The following NHSL1 variants were observed in gnomAD, a reference collection of about 807,000 sequenced individuals.
NHSL1 encodes NHS-like protein 1.
NHSL1 carries 48 observed loss-of-function variants against 95.0 expected under a neutral mutation model. The ratio of observed to expected loss-of-function variants is 0.51; its 90% CI spans 0.40 to 0.64. The LOEUF (loss-of-function observed/expected upper bound fraction) is 0.64, where lower values mean the gene tolerates loss of function less well. Ranked by LOEUF, NHSL1 falls within the 30% of genes least tolerant of loss-of-function variation. The pLI, the probability that NHSL1 is intolerant of heterozygous loss-of-function variation, is 0.00. For synonymous variants in NHSL1, 783 were observed against 833.9 expected, an observed-to-expected ratio of 0.94 and a Z score of 1.05; for missense variants, 1,971 against 2,077.7, an observed-to-expected ratio of 0.95 and a Z score of 1.00.
At chr6:138,559,027 C>T (rs540055424) in intron 1 of NHSL1, among the ~76,000 whole-genome samples, 46 of 150,834 alleles carry the variant, frequency 3.0e-4, no homozygotes, top group South Asian at 8.4e-4. Flanking sequence ...CCAGCCTGGA[C>T]GACAGAGGGA....
In NHSL1 at chr6:138,423,108, A is replaced by AC. The variant is rs1775018408; in HGVS notation, c.*972_*973insG. On this transcript the variant is annotated 3_prime_UTR_variant, in exon 8 of 8. Coordinates refer to ENST00000343505, the MANE Select transcript of NHSL1 (RefSeq NM_001144060.2). ...TAAACTCTGGTTAAAAAAAAAAAAA[A>AC]AAAAAAACTGTTGTAAAAGGAAAAG... is the stretch of plus-strand genomic sequence containing the variant. 1 of 151,694 alleles carries AC rather than the reference A, an allele frequency of 6.6e-6. No individual in the cohort carries two copies. The highest frequency in any genetic ancestry group is 1.5e-5 in the Non-Finnish European group (1 of 67,908). The allele number at this position is 151,694 out of a possible 1,614,324, so 9.4% of individuals were successfully genotyped here.
At chr6:138,459,279 G>A (rs1015681394) in intron 3 of NHSL1, among the ~76,000 whole-genome samples, 4 of 152,050 alleles carry the variant, frequency 2.6e-5, no homozygotes, top group South Asian at 2.1e-4. Flanking sequence ...TGAGTCCCAC[G>A]CCTGACCATA....
chr6:138,606,448 A>T (rs9389596), intron 1 of NHSL1, among the ~76,000 whole-genome samples: 27,350 of 152,184 alleles, frequency 0.18, 3,152 homozygotes, highest in East Asian at 0.36. Context: ...GCTTCGGCAT[A>T]TTGCCCTTGT....
chr6:138,485,280 T>C (rs1779655697), intron 2 of NHSL1, among the ~76,000 whole-genome samples: 1 of 152,154 alleles, frequency 6.6e-6, no homozygotes, highest in African/African-American at 2.4e-5. Flanking sequence ...CTCAAGTTAC[T>C]TACTTTATCG....
In NHSL1 at chr6:138,431,062, G is replaced by T; in HGVS notation, c.3283C>A (p.Arg1095=). 3 of 1,552,010 alleles carry T rather than the reference G, an allele frequency of 1.9e-6. No homozygotes were observed. Among genetic ancestry groups the T allele is most frequent in the Non-Finnish European group, 2.6e-6 (3 of 1,147,064 alleles). The change falls in exon 6 of 8, where the codon CGA becomes AGA. Residue 1095 remains arginine (R), a synonymous_variant. Coordinates refer to ENST00000343505, the MANE Select transcript of NHSL1 (RefSeq NM_001144060.2). The surrounding 1 kb of genome is among the most constrained non-coding windows in gnomAD (Gnocchi z 4.0). Reference sequence around the variant, plus strand: ...GGAGTTCGTTGTTCCTGAGCTGTTCGTTCAGACAACTGTGCCGCCTCAGCG... The same window carrying T: ...GGAGTTCGTTGTTCCTGAGCTGTTCTTTCAGACAACTGTGCCGCCTCAGCG... ...SGAEAAQLSE[R]TAQEQRTPVA... is the part of the protein sequence containing the mutation.
chr6:138,433,640 C>A lies in NHSL1; in HGVS notation c.705G>T (p.Val235=), dbSNP rs1046130078. 6.5e-7 allele frequency: 1 copy of A among 1,547,454 alleles called. No homozygotes were observed. Among genetic ancestry groups the A allele is most frequent in the African/African-American group, 1.4e-5 (1 of 73,042 alleles). The change falls in exon 6 of 8, where the codon GTG becomes GTT. Residue 235 remains valine, a synonymous_variant. Transcript: ENST00000343505. ...TGQDDADGHS[V]YTPDHYSTLG... is the part of the protein sequence containing the mutation. ...GTGTAGAGTAGTGATCAGGGGTGTA[C>A]ACTGAGTGGCCATCAGCATCATCTT...
At chr6:138,599,426 C>T (rs1784343803) in intron 1 of NHSL1, among the ~76,000 whole-genome samples, 1 of 152,000 alleles carries the variant, frequency 6.6e-6, no homozygotes, top group East Asian at 1.9e-4. Flanking sequence ...GCAGGAGAAT[C>T]ACCTGAATGC....
chr6:138,670,545 A>G (rs1461887164), intron 1 of NHSL1, among the ~76,000 whole-genome samples: 1 of 148,892 alleles, frequency 6.7e-6, no homozygotes, highest in Admixed American at 6.7e-5. Flanking sequence ...GGGCGCCTGT[A>G]GTCCCAGCTA....
At chr6:138,597,569 C>T (rs934634558) in intron 1 of NHSL1, among the ~76,000 whole-genome samples, 1 of 152,074 alleles carries the variant, frequency 6.6e-6, no homozygotes, top group Non-Finnish European at 1.5e-5. Flanking sequence ...GGAATTTTGG[C>T]AGGAATTGTT....
chr6:138,526,235 C>T (rs1781901165), intron 1 of NHSL1, among the ~76,000 whole-genome samples: 1 of 152,124 alleles, frequency 6.6e-6, no homozygotes, highest in Non-Finnish European at 1.5e-5. Context: ...GTAATCCCAG[C>T]ACTTTGGGAG....
intron 1 of NHSL1, among the ~76,000 whole-genome samples, chr6:138,618,274 G>A (rs747136959): frequency 2.0e-5 from 3 of 152,140 alleles, no homozygotes; most frequent in Non-Finnish European, 4.4e-5. Context: ...TGGAGATTCT[G>A]ATTAAGTAGG....
At chr6:138,490,383 G>T (rs1780001173) in intron 2 of NHSL1, among the ~76,000 whole-genome samples, 1 of 152,104 alleles carries the variant, frequency 6.6e-6, no homozygotes, top group Non-Finnish European at 1.5e-5. Context: ...AAGACAAGGG[G>T]TATCTGCGAT....
intron 1 of NHSL1, among the ~76,000 whole-genome samples, chr6:138,558,081 T>C (rs1783260598): frequency 6.6e-6 from 1 of 152,176 alleles, no homozygotes; most frequent in Non-Finnish European, 1.5e-5. Flanking sequence ...GTCTATATGA[T>C]CACAATTTAG....
At chr6:138,536,600 ATCTTTTTTT>A (rs1420638328) in intron 1 of NHSL1, among the ~76,000 whole-genome samples, 9 of 100,516 alleles carry the variant, frequency 9.0e-5, no homozygotes, top group African/African-American at 3.1e-4. Context: ...GACATATGTC[ATCTTTTTTT>A]TTTTTTTTTT....
At chr6:138,506,424 T>C (rs1780966380) in intron 1 of NHSL1, among the ~76,000 whole-genome samples, 1 of 152,314 alleles carries the variant, frequency 6.6e-6, no homozygotes, top group South Asian at 2.1e-4. Context: ...GGTAAATTAA[T>C]ACAGTCAATA....
At chr6:138,469,874 G>A (rs886225831) in intron 3 of NHSL1, among the ~76,000 whole-genome samples, 1 of 152,186 alleles carries the variant, frequency 6.6e-6, no homozygotes, top group Non-Finnish European at 1.5e-5. Flanking sequence ...TGGGTGGCAA[G>A]TGGCTTTTTT....
At chr6:138,508,862 T>A (rs1162803146) in intron 1 of NHSL1, among the ~76,000 whole-genome samples, 2 of 152,234 alleles carry the variant, frequency 1.3e-5, no homozygotes, top group African/African-American at 4.8e-5. Context: ...AAAAAAATAA[T>A]TTCATTAACT....
At chr6:138,546,005 G>A (rs76937830), upstream of NHSL1, among the ~76,000 whole-genome samples, 7,182 of 152,250 alleles carry the variant, frequency 0.047, 208 homozygotes, top group Middle Eastern at 0.062. Flanking sequence ...AGCTCTTCAC[G>A]TGATCAACAA....
chr6:138,684,680 G>A (rs1161895793), intron 1 of NHSL1, among the ~76,000 whole-genome samples: 1 of 152,108 alleles, frequency 6.6e-6, no homozygotes, highest in African/African-American at 2.4e-5. Context: ...AACATGGGGG[G>A]CCTGTAAGCT....
Sources: gnomAD v4.1 joint callset for allele counts (sites outside exome capture counted in the v4.1 genomes callset) on GRCh38, gnomAD v4.1.1 for gene constraint, Gnocchi (gnomAD v3.1) non-coding constraint, MANE v1.5 for transcripts, NCBI Gene and HGNC (gene_info 2026-07-23, HGNC 2026-07-21) for gene names.